PTPRN2: variants seen among roughly 807,000 people sequenced by gnomAD.
PTPRN2 encodes receptor-type tyrosine-protein phosphatase N2.
In PTPRN2, 74 loss-of-function variants were observed where a neutral mutation model predicts 118.8. The ratio of observed to expected loss-of-function variants is 0.62; its 90% CI spans 0.52 to 0.76. The LOEUF is 0.76. Among genes scored for constraint, PTPRN2 ranks in the 30% least tolerant of loss-of-function variants. The pLI is 0.00. For missense variants in PTPRN2, 1,481 were observed against 1,394.4 expected (o/e 1.06, Z -0.99); for synonymous variants, 641 against 608.0 (o/e 1.05, Z -0.80).
intron 2 of PTPRN2, among the ~76,000 whole-genome samples, chr7:158,364,301 C>T (rs1434136426): frequency 6.8e-6 from 1 of 147,862 alleles, no homozygotes; most frequent in East Asian, 2.1e-4. Flanking sequence ...ATGCTTCCCA[C>T]AGCAGGGTCT....
At chr7:157,950,375 T>C (rs967226447) in intron 11 of PTPRN2, among the ~76,000 whole-genome samples, 22 of 152,150 alleles carry the variant, frequency 1.4e-4, no homozygotes, top group African/African-American at 5.1e-4. Context: ...TTCAGATGCA[T>C]AATGGGTTAT....
Position 158,316,862 on chromosome 7 carries a change from G to A in PTPRN2, c.234C>T (p.Ala78=), listed in dbSNP as rs781620176. The change falls in exon 3 of 23, where the codon GCC becomes GCT. Residue 78 remains alanine, a synonymous_variant. Coordinates refer to ENST00000389418, the MANE Select transcript of PTPRN2 (RefSeq NM_002847.5). The part of the protein sequence containing the change: ...DFYRYEVSPV[A]LQRLRVALQK... ...GCAACGCCACGCGCAGGCGCTGCAG[G>A]GCCACGGGCGACACCTCGTAGCGGT... The A allele has an allele frequency of 6.2e-7, 1 of 1,611,294 alleles. No individual in the cohort carries two copies. The highest frequency in any genetic ancestry group is 1.1e-5 in the South Asian group (1 of 91,060).
Position 158,574,474 on chromosome 7 carries a change from CAGACACTG to C in PTPRN2, c.112+13076_112+13083del, listed in dbSNP as rs1261235687. On this transcript the variant is annotated intron_variant, in intron 1 of 22. Transcript: ENST00000389418. The surrounding 1 kb of genome is among the most constrained non-coding windows in gnomAD (Gnocchi z 4.6). Reference sequence around the variant, plus strand: ...TGCACATTTCTGTTGGTGGCGCCATCAGACACTGAGACACTGAGAGGAGGGGCCACAAG... The same window carrying C: ...TGCACATTTCTGTTGGTGGCGCCATCAGACACTGAGAGGAGGGGCCACAAG... Among the ~76,000 whole-genome samples, 2 of 152,112 alleles carry C rather than the reference CAGACACTG, an allele frequency of 1.3e-5. No individual in the cohort carries two copies. The highest frequency in any genetic ancestry group is 2.9e-5 in the Non-Finnish European group (2 of 68,026).
intron 10 of PTPRN2, among the ~76,000 whole-genome samples, chr7:158,086,378 C>G (rs1356125492): frequency 6.6e-6 from 1 of 152,220 alleles, no homozygotes; most frequent in Non-Finnish European, 1.5e-5. Context: ...TCCTTAAACC[C>G]CTCACTCAGC....
chr7:158,061,919 A>G (rs1350053813), intron 11 of PTPRN2, among the ~76,000 whole-genome samples: 1 of 152,286 alleles, frequency 6.6e-6, no homozygotes, highest in Non-Finnish European at 1.5e-5. Context: ...AAAAAGGAAC[A>G]CAATCCAGTA....
intron 12 of PTPRN2, among the ~76,000 whole-genome samples, chr7:157,747,841 G>C (rs1262941378): frequency 7.3e-6 from 1 of 137,500 alleles, no homozygotes; most frequent in Non-Finnish European, 1.5e-5. Context: ...GCTTTGGGCT[G>C]TCCGGGTGAT....
At chr7:158,303,498 A>G (rs1325254851) in intron 3 of PTPRN2, among the ~76,000 whole-genome samples, 1 of 152,248 alleles carries the variant, frequency 6.6e-6, no homozygotes, top group South Asian at 2.1e-4. Context: ...TGAAAATTTT[A>G]ACAAAATGCA....
chr7:158,087,953 C>T lies in PTPRN2; in HGVS notation c.1644-6576G>A, dbSNP rs1179162035. Among the ~76,000 whole-genome samples, 14 of 97,962 alleles carry T rather than the reference C, an allele frequency of 1.4e-4. 1 individual carries two copies. The highest frequency in any genetic ancestry group is 4.5e-4 in the Admixed American group (4 of 8,848). 64.3% of individuals were successfully genotyped at this position (97,962 alleles called of 152,430 possible). A position where few individuals can be genotyped will look rare whatever the true frequency, so the allele number is the denominator to read the frequency against. ...CCTGATGAAAGAGGGAGTCTTCACA[C>T]AAACCTTCTTCCCCTGATGAAAGAG... On this transcript the variant is annotated intron_variant, in intron 10 of 22. Coordinates refer to ENST00000389418, the MANE Select transcript of PTPRN2 (RefSeq NM_002847.5).
At chr7:158,445,314 A>G (rs1345873207) in intron 2 of PTPRN2, among the ~76,000 whole-genome samples, 1 of 151,886 alleles carries the variant, frequency 6.6e-6, no homozygotes, top group Non-Finnish European at 1.5e-5. Flanking sequence ...CCACCTGCTC[A>G]CCTCTGCCCT....
chr7:158,220,300 G>A (rs373266974), intron 3 of PTPRN2, among the ~76,000 whole-genome samples: 5 of 152,106 alleles, frequency 3.3e-5, no homozygotes, highest in Non-Finnish European at 7.4e-5. Context: ...ATTCAACATA[G>A]TATTGGAATT....
At chr7:157,711,891 G>T (rs1050254991) in intron 12 of PTPRN2, among the ~76,000 whole-genome samples, 4 of 147,996 alleles carry the variant, frequency 2.7e-5, no homozygotes, top group African/African-American at 1.0e-4. Context: ...TAGACATCAG[G>T]GGCTGTAGCC....
At chr7:158,151,699 C>T (rs1444691704) in intron 6 of PTPRN2, among the ~76,000 whole-genome samples, 2 of 152,086 alleles carry the variant, frequency 1.3e-5, no homozygotes, top group Non-Finnish European at 2.9e-5. Flanking sequence ...TCTTCCTTCT[C>T]CCCAATCTTC....
Position 158,328,793 on chromosome 7 carries a change from TCCC to T in PTPRN2, c.164-11864_164-11862del, listed in dbSNP as rs368096894. On this transcript the variant is annotated intron_variant, in intron 2 of 22. Transcript: ENST00000389418. ...AAGTCACTAGGAGCGGGGCCTCCAT[TCCC>T]CCCCCCCCGCCACCCAGGGATCCCA... Among the ~76,000 whole-genome samples, 227 of 134,026 alleles carry T rather than the reference TCCC, an allele frequency of 1.7e-3. 4 individuals are homozygous for T. The highest frequency in any genetic ancestry group is 2.2e-3 in the Non-Finnish European group (137 of 62,290). The allele number at this position is 134,026 out of a possible 152,430, so 87.9% of individuals were successfully genotyped here.
At chr7:157,907,737 G>A (rs148682367) in intron 11 of PTPRN2, among the ~76,000 whole-genome samples, 49 of 151,762 alleles carry the variant, frequency 3.2e-4, no homozygotes, top group African/African-American at 8.2e-4. Flanking sequence ...TGTCCGCTGC[G>A]TGTGGGGTGT....
chr7:158,334,539 T>C (rs1483816123), intron 2 of PTPRN2, among the ~76,000 whole-genome samples: 201 of 107,286 alleles, frequency 1.9e-3, no homozygotes, highest in African/African-American at 6.6e-3. Flanking sequence ...CAGACGTCAC[T>C]CACACCCACA....
rs372696446 is a variant in PTPRN2, at chr7:158,109,883, GTGAA to G, written c.1643+942_1643+945del. Among the ~76,000 whole-genome samples the G allele has an allele frequency of 4.5e-3, 687 of 151,892 alleles. 3 individuals carry two copies. The highest frequency in any genetic ancestry group is 6.9e-3 in the Non-Finnish European group (466 of 67,892). ...CACCCCTATGTGAAGGGGACAGTGAGTGAATGATGTCACCCCTGTGTGAAGAGTC... is the reference window on the plus strand; with the variant it reads ...CACCCCTATGTGAAGGGGACAGTGAGTGATGTCACCCCTGTGTGAAGAGTC... On this transcript the variant is annotated intron_variant, in intron 10 of 22. Coordinates refer to ENST00000389418, the MANE Select transcript of PTPRN2 (RefSeq NM_002847.5).
In PTPRN2 at chr7:158,138,515, C is replaced by A. The variant is rs374332627; in HGVS notation, c.911G>T (p.Gly304Val). Residue 304 changes from glycine to valine, a missense_variant and splice_region_variant, in exon 7 of 23, where the codon GGA becomes GTA. This residue lies in a region of PTPRN2 where 1,115 missense variants were observed against 994.2 expected (regional missense o/e 1.12). Transcript: ENST00000389418. The part of the protein sequence containing the change: ...DSEDPSSTGD[G>V]ARIHTLLKDL... Reference sequence around the variant, plus strand: ...CTTCAGGAGGGTATGAATCCGTGCTCCTAGGGGCACACACACAAACACAAG... The same window carrying A: ...CTTCAGGAGGGTATGAATCCGTGCTACTAGGGGCACACACACAAACACAAG... The A allele has an allele frequency of 2.2e-5, 36 of 1,610,016 alleles. No individual in the cohort carries two copies. The highest frequency in any genetic ancestry group is 3.1e-5 in the Non-Finnish European group (36 of 1,179,686).
At chr7:158,310,773 C>T (rs1030434150) in intron 3 of PTPRN2, among the ~76,000 whole-genome samples, 2 of 146,776 alleles carry the variant, frequency 1.4e-5, no homozygotes, top group African/African-American at 2.6e-5. Context: ...GCAAGTCCCA[C>T]GGAGGGCGAG....
intron 1 of PTPRN2, among the ~76,000 whole-genome samples, chr7:158,551,651 C>A (rs1171935575): frequency 9.1e-6 from 1 of 109,798 alleles, no homozygotes; most frequent in Non-Finnish European, 1.9e-5. Flanking sequence ...AGAGCTCTAA[C>A]ACATGCATTT....
Sources: allele counts gnomAD v4.1 joint callset (sites outside exome capture counted in the v4.1 genomes callset), GRCh38; gene constraint gnomAD v4.1.1; regional missense constraint gnomAD v4.1.1; non-coding constraint Gnocchi (gnomAD v3.1); transcripts MANE v1.5; gene names NCBI Gene and HGNC (gene_info 2026-07-23, HGNC 2026-07-21).